PRKCH: variants seen among roughly 807,000 people sequenced by gnomAD.
PRKCH encodes the protein protein kinase C eta.
A neutral mutation model predicts 82.5 loss-of-function variants in PRKCH; 28 were observed. The observed-to-expected ratio is 0.34, with a 90% CI of 0.25 to 0.47. The LOEUF (loss-of-function observed/expected upper bound fraction) is 0.47, where lower values mean the gene tolerates loss of function less well. PRKCH is among the 20% of genes least tolerant of loss of function. The pLI is 1.00. For synonymous variants in PRKCH, 322 were observed against 327.4 expected, an observed-to-expected ratio of 0.98 and a Z score of 0.18; for missense variants, 705 against 881.8, an observed-to-expected ratio of 0.80 and a Z score of 2.54.
chr14:61,273,701 G>T (rs1294391316), intron 1 of PRKCH, among the ~76,000 whole-genome samples: 2 of 152,212 alleles, frequency 1.3e-5, no homozygotes, highest in Non-Finnish European at 2.9e-5. Flanking sequence ...TTTCCATGCT[G>T]TTAAGAATAT....
chr14:61,476,664 G>A (rs1489206157), intron 9 of PRKCH: 1 of 152,098 alleles, frequency 6.6e-6, no homozygotes, highest in African/African-American at 2.4e-5. Context: ...GAAAACACTT[G>A]GTCTTTGAAA....
chr14:61,343,351 C>CAAAAA (rs57154047), intron 1 of PRKCH, among the ~76,000 whole-genome samples: 1 of 87,330 alleles, frequency 1.1e-5, no homozygotes, highest in Admixed American at 1.3e-4. Flanking sequence ...CCAGTTCCCT[C>CAAAAA]AAAAAAAAAA....
intron 1 of PRKCH, among the ~76,000 whole-genome samples, chr14:61,233,536 T>G (rs1489484237): frequency 6.6e-6 from 1 of 152,220 alleles, no homozygotes; most frequent in Non-Finnish European, 1.5e-5. Context: ...TAATACAATA[T>G]TGAAGGATAC....
At chr14:61,539,344 A>G (rs113866926) in intron 12 of PRKCH, among the ~76,000 whole-genome samples, 52 of 152,328 alleles carry the variant, frequency 3.4e-4, no homozygotes, top group African/African-American at 1.2e-3. Flanking sequence ...ACAGCATGGA[A>G]AACACAGCCA....
chr14:61,550,771 C>G lies in PRKCH; in HGVS notation c.*940C>G, dbSNP rs772410058. 1 of 152,204 alleles carries G rather than the reference C, an allele frequency of 6.6e-6. No homozygotes were observed. Among genetic ancestry groups the G allele is most frequent in the Non-Finnish European group, 1.5e-5 (1 of 68,034 alleles). The allele number at this position is 152,204 out of a possible 1,614,324, so 9.4% of individuals were successfully genotyped here. On this transcript the variant is annotated 3_prime_UTR_variant, in exon 14 of 14. Transcript: ENST00000332981. ...CATCACTGAAGAATTGCAGGCCACT[C>G]ATGTCAGTGACCAGATTTGTGGCTT...
chr14:61,431,580 A>G (rs531502452), intron 2 of PRKCH, among the ~76,000 whole-genome samples: 40 of 109,452 alleles, frequency 3.7e-4, no homozygotes, highest in African/African-American at 1.1e-3. Flanking sequence ...TAATGTTGCC[A>G]TTTGGATTTT....
chr14:61,534,811 G>A (rs1222210828), intron 12 of PRKCH, among the ~76,000 whole-genome samples: 1 of 152,168 alleles, frequency 6.6e-6, no homozygotes, highest in African/African-American at 2.4e-5. Context: ...AGTCTATAAA[G>A]GTGTGATAAT....
intron 10 of PRKCH, among the ~76,000 whole-genome samples, chr14:61,501,423 T>G (rs1050431529): frequency 9.9e-5 from 15 of 151,938 alleles, no homozygotes; most frequent in African/African-American, 3.4e-4. Context: ...AAAAGAGAGA[T>G]GTGTGCTCAT....
intron 1 of PRKCH, among the ~76,000 whole-genome samples, chr14:61,206,622 A>G (rs1174975170): frequency 6.6e-6 from 1 of 152,196 alleles, no homozygotes; most frequent in African/African-American, 2.4e-5. Context: ...TTTCCATCCA[A>G]CAATCTCTTT....
At chr14:61,546,462 C>A (rs911678272) in intron 12 of PRKCH, among the ~76,000 whole-genome samples, 2 of 152,180 alleles carry the variant, frequency 1.3e-5, no homozygotes, top group African/African-American at 4.8e-5. Flanking sequence ...TTTTTGAAAG[C>A]ATTTTACAAG....
intron 1 of PRKCH, among the ~76,000 whole-genome samples, chr14:61,261,640 A>G (rs936720760): frequency 6.6e-6 from 1 of 152,072 alleles, no homozygotes; most frequent in African/African-American, 2.4e-5. Flanking sequence ...ACAAGTCTAA[A>G]TTCATCTGTT....
intron 1 of PRKCH, among the ~76,000 whole-genome samples, chr14:61,240,553 T>C (rs1364680676): frequency 6.6e-6 from 1 of 152,178 alleles, no homozygotes; most frequent in Non-Finnish European, 1.5e-5. Context: ...CATCTGCATT[T>C]GCATATCAAT....
At chr14:61,471,521 A>T (rs928110771) in intron 9 of PRKCH, among the ~76,000 whole-genome samples, 4 of 152,226 alleles carry the variant, frequency 2.6e-5, no homozygotes, top group African/African-American at 9.6e-5. Flanking sequence ...GGGCTAAAAA[A>T]AATGATCTTT....
intron 1 of PRKCH, among the ~76,000 whole-genome samples, chr14:61,350,424 T>C (rs937426546): frequency 6.6e-6 from 1 of 152,222 alleles, no homozygotes; most frequent in Non-Finnish European, 1.5e-5. Flanking sequence ...TGGGCTTTTA[T>C]AGAAAATAAG....
chr14:61,481,050 C>G (rs1885949373), intron 9 of PRKCH, among the ~76,000 whole-genome samples: 1 of 152,148 alleles, frequency 6.6e-6, no homozygotes, highest in Non-Finnish European at 1.5e-5. Flanking sequence ...CTCAGATGCC[C>G]TGCTCGGTGT....
At chr14:61,356,168 G>A (rs2046145774) in intron 1 of PRKCH, among the ~76,000 whole-genome samples, 2 of 152,198 alleles carry the variant, frequency 1.3e-5, no homozygotes, top group South Asian at 4.1e-4. Context: ...CAGGGAACAG[G>A]AGGGTGACCT....
chr14:61,530,266 G>C, intron 11 of PRKCH, 141 bp from the exon 12 acceptor site: 1 of 926,732 alleles, frequency 1.1e-6, no homozygotes, highest in East Asian at 2.7e-5. Flanking sequence ...TGTAGAAATG[G>C]AATGAAATAC....
chr14:61,277,949 C>G (rs1466379097), intron 1 of PRKCH: 2 of 152,100 alleles, frequency 1.3e-5, no homozygotes, highest in African/African-American at 2.4e-5. Flanking sequence ...TTAAGATCAT[C>G]GTTCAAAAGA....
At chr14:61,370,098 C>T (rs1469234752) in intron 1 of PRKCH, among the ~76,000 whole-genome samples, 1 of 151,920 alleles carries the variant, frequency 6.6e-6, no homozygotes, top group African/African-American at 2.4e-5. Flanking sequence ...CGCCCATCAC[C>T]ACACCTGGCT....
Sources: allele counts gnomAD v4.1 joint callset (sites outside exome capture counted in the v4.1 genomes callset), GRCh38; gene constraint gnomAD v4.1.1; transcripts MANE v1.5; gene names NCBI Gene and HGNC (gene_info 2026-07-23, HGNC 2026-07-21).